BRAP: variants seen among roughly 807,000 people sequenced by gnomAD.
BRAP encodes the protein BRCA1 associated protein.
Under a neutral mutation model 73.4 loss-of-function variants are expected in BRAP, and 42 were observed. The observed-to-expected ratio is 0.57, with a 90% CI of 0.45 to 0.74. BRAP has a LOEUF of 0.74. BRAP is among the 30% of genes least tolerant of loss of function. BRAP has a pLI of 0.00. For missense variants in BRAP, 593 were observed against 751.4 expected (o/e 0.79, Z 2.46); for synonymous variants, 255 against 267.4 (o/e 0.95, Z 0.45).
chr12:111,662,958 A>AC (rs1886809522), intron 6 of BRAP, among the ~76,000 whole-genome samples: 1 of 149,086 alleles, frequency 6.7e-6, no homozygotes, highest in Non-Finnish European at 1.5e-5. Flanking sequence ...AAAAAAAAAA[A>AC]AACAAAAAAC....
At chr12:111,682,356 G>C (rs1887633634) in intron 2 of BRAP, among the ~76,000 whole-genome samples, 1 of 151,912 alleles carries the variant, frequency 6.6e-6, no homozygotes, top group Non-Finnish European at 1.5e-5. Context: ...AAATTAGCTG[G>C]GTGTAGTAGC....
chr12:111,680,803 C>G (rs1887572307), intron 3 of BRAP, among the ~76,000 whole-genome samples: 1 of 152,216 alleles, frequency 6.6e-6, no homozygotes, highest in African/African-American at 2.4e-5. Flanking sequence ...AGCACAAGAA[C>G]AGCCTTAAGG....
chr12:111,661,460 G>C (rs1331273150), intron 6 of BRAP, among the ~76,000 whole-genome samples: 1 of 151,728 alleles, frequency 6.6e-6, no homozygotes, highest in African/African-American at 2.4e-5. Context: ...TGTATTTTTA[G>C]TAGAGACGGG....
intron 4 of BRAP, among the ~76,000 whole-genome samples, chr12:111,678,236 T>G (rs1478867836): frequency 1.2e-4 from 11 of 94,552 alleles, no homozygotes; most frequent in African/African-American, 1.7e-4. Context: ...GCAACAAGAG[T>G]GAAACTCCGT....
intron 1 of BRAP, 71 bp from the exon 2 acceptor site, chr12:111,683,378 T>C (rs1887679248): frequency 6.7e-7 from 1 of 1,491,172 alleles, no homozygotes; most frequent in Non-Finnish European, 9.0e-7. Context: ...TCCTCTATCA[T>C]TAGGTTTTCC....
intron 11 of BRAP, among the ~76,000 whole-genome samples, chr12:111,649,273 C>T (rs1886230728): frequency 6.6e-6 from 1 of 152,146 alleles, no homozygotes; most frequent in African/African-American, 2.4e-5. Flanking sequence ...CTACTTCAGC[C>T]TCCTGAATAG....
chr12:111,674,533 G>A (rs190253860), intron 4 of BRAP, among the ~76,000 whole-genome samples: 109 of 152,250 alleles, frequency 7.2e-4, no homozygotes, highest in Non-Finnish European at 7.4e-4. Flanking sequence ...GTGAGCCACC[G>A]CGCCTGGCTA....
At chr12:111,674,600 T>C (rs928346160) in intron 4 of BRAP, among the ~76,000 whole-genome samples, 2 of 152,164 alleles carry the variant, frequency 1.3e-5, no homozygotes, top group African/African-American at 4.8e-5. Flanking sequence ...GATGATCAAT[T>C]CTGAATATAC....
Position 111,683,128 on chromosome 12 carries a change from G to T in BRAP, c.244+18C>A, listed in dbSNP as rs202226752. On this transcript the variant is annotated intron_variant, in intron 2 of 11. Transcript: ENST00000419234. The stretch of plus-strand genomic sequence containing the variant: ...TGTTCACATTACAAAAGAGAGTCCA[G>T]GGTTTTAGAAAGCATACCTGGGTTG... The T allele has an allele frequency of 4.5e-5, 72 of 1,608,280 alleles. No individual in the cohort carries two copies. The highest frequency in any genetic ancestry group is 1.7e-4 in the Middle Eastern group (1 of 6,046).
chr12:111,678,249 CAAAAAAA>C (rs60763826), intron 4 of BRAP, among the ~76,000 whole-genome samples: 30 of 57,470 alleles, frequency 5.2e-4, no homozygotes, highest in African/African-American at 1.7e-3. Flanking sequence ...AACTCCGTCT[CAAAAAAA>C]AAAAAAAAAA....
At chr12:111,651,197 G>A (rs1003740303) in intron 10 of BRAP, among the ~76,000 whole-genome samples, 3 of 146,984 alleles carry the variant, frequency 2.0e-5, no homozygotes, top group African/African-American at 8.1e-5. Flanking sequence ...CATACAGCCT[G>A]CCTAGCAAGT....
At chr12:111,685,060 G>C (rs925452617) in intron 1 of BRAP, among the ~76,000 whole-genome samples, 1 of 152,232 alleles carries the variant, frequency 6.6e-6, no homozygotes, top group Non-Finnish European at 1.5e-5. Flanking sequence ...CCTCACTTGT[G>C]TTAATGGTGT....
rs1592962088 is a variant in BRAP at position 111,644,146 on chromosome 12, C to T, written c.*53G>A. On this transcript the variant is annotated 3_prime_UTR_variant, in exon 12 of 12. Coordinates refer to ENST00000419234, the MANE Select transcript of BRAP (RefSeq NM_006768.5). ...TCACATTTAGCTGAAGGTCCCAGCA[C>T]ACTCTCACAGTGTCAGGGAGAACAG... 10 of 1,562,848 alleles carry T rather than the reference C, an allele frequency of 6.4e-6. No homozygotes were observed. The highest frequency in any genetic ancestry group is 1.7e-5 in the Admixed American group (1 of 57,298).
intron 4 of BRAP, among the ~76,000 whole-genome samples, chr12:111,675,178 T>C (rs959975395): frequency 6.6e-6 from 1 of 151,750 alleles, no homozygotes; most frequent in Non-Finnish European, 1.5e-5. Context: ...GGAGGATAGC[T>C]TGAGCCCAGG....
intron 5 of BRAP, among the ~76,000 whole-genome samples, chr12:111,666,952 G>C (rs757372964): frequency 1.3e-5 from 2 of 152,068 alleles, no homozygotes; most frequent in African/African-American, 2.4e-5. Context: ...AAATTTATCG[G>C]TATTTTAGTA....
At position 111,679,096 on chromosome 12, in the gene BRAP, T is replaced by C. The variant is rs1887496961; in HGVS notation, c.633+55A>G. 3.1e-6 allele frequency: 4 copies of C among 1,308,396 alleles called. No homozygotes were observed. The Admixed American group carries it at 7.6e-5, about 25-fold the overall frequency. The allele number at this position is 1,308,396 out of a possible 1,614,324, so 81.0% of individuals were successfully genotyped here. A position where few individuals can be genotyped will look rare whatever the true frequency, so the allele number is the denominator to read the frequency against. On this transcript the variant is annotated intron_variant, in intron 4 of 11. Coordinates refer to ENST00000419234, the MANE Select transcript of BRAP (RefSeq NM_006768.5). Reference sequence around the variant, plus strand: ...AATCACACACAGCTATCATACAGTTTGAATACCACAGTTTCTGTGGCAAAG... The same window carrying C: ...AATCACACACAGCTATCATACAGTTCGAATACCACAGTTTCTGTGGCAAAG...
chr12:111,668,232 C>CAGTAG, intron 5 of BRAP, among the ~76,000 whole-genome samples: 1 of 152,220 alleles, frequency 6.6e-6, no homozygotes, highest in East Asian at 1.9e-4. Context: ...TGGGGGAAGC[C>CAGTAG]AGTAGTTAAG....
intron 4 of BRAP, among the ~76,000 whole-genome samples, chr12:111,674,386 GC>G (rs1394479090): frequency 6.6e-6 from 1 of 152,062 alleles, no homozygotes; most frequent in Non-Finnish European, 1.5e-5. Flanking sequence ...GTGATTATAG[GC>G]ATACGCCACC....
intron 1 of BRAP, among the ~76,000 whole-genome samples, chr12:111,684,861 G>C (rs1887745287): frequency 6.6e-6 from 1 of 152,100 alleles, no homozygotes; most frequent in Non-Finnish European, 1.5e-5. Context: ...TACAGACAGG[G>C]TTTCACCATG....
Sources: allele counts gnomAD v4.1 joint callset (sites outside exome capture counted in the v4.1 genomes callset), GRCh38; gene constraint gnomAD v4.1.1; transcripts MANE v1.5; gene names NCBI Gene and HGNC (gene_info 2026-07-23, HGNC 2026-07-21).